SLC18A1: variants seen among roughly 807,000 people sequenced by gnomAD.
SLC18A1 encodes solute carrier family 18 member A1.
Under a neutral mutation model 53.7 loss-of-function variants are expected in SLC18A1, and 69 were observed. The ratio of observed to expected loss-of-function variants is 1.28; its 90% CI spans 1.06 to 1.57. The LOEUF is 1.57. Ranked by LOEUF, SLC18A1 falls within the 40% of genes most tolerant of loss-of-function variation. The pLI is 0.00. For synonymous variants in SLC18A1, 320 were observed against 248.1 expected (o/e 1.29, Z -2.72); for missense variants, 932 against 668.1 (o/e 1.40, Z -4.35).
intron 4 of SLC18A1, 104 bp from the exon 5 acceptor site, chr8:20,174,548 A>G (rs1166630111): frequency 6.9e-6 from 5 of 722,884 alleles, no homozygotes; most frequent in Admixed American, 6.2e-5. Flanking sequence ...GTCTTGATGC[A>G]TATGTTTTTA....
chr8:20,174,676 C>T (rs768640296), intron 4 of SLC18A1, among the ~76,000 whole-genome samples: 22 of 152,134 alleles, frequency 1.4e-4, no homozygotes, highest in Non-Finnish European at 1.6e-4. Flanking sequence ...ACCGAGTCAC[C>T]ACACAGCAGA....
chr8:20,145,830 G>A lies in SLC18A1; in HGVS notation c.1511C>T (p.Thr504Ile). Reference sequence around the variant, plus strand: ...AGGAAATTCCTTCGTGGGCTTCTGGGTTGCATACATCCGGGTCTCCATGGG... The same window carrying A: ...AGGAAATTCCTTCGTGGGCTTCTGGATTGCATACATCCGGGTCTCCATGGG... ...DCPMETRMYA[T>I]QKPTKEFPLG... Residue 504 changes from threonine (T) to isoleucine (I), a missense_variant, in exon 16 of 16, where the codon ACC (threonine) becomes ATC (isoleucine). Coordinates refer to ENST00000276373, the MANE Select transcript of SLC18A1 (RefSeq NM_003053.4). 6.2e-7 allele frequency: 1 copy of A among 1,612,098 alleles called. No individual in the cohort carries two copies. The highest frequency in any genetic ancestry group is 1.1e-5 in the South Asian group (1 of 90,508).
At chr8:20,180,015 GC>G (rs2072382588) in intron 2 of SLC18A1, among the ~76,000 whole-genome samples, 1 of 152,084 alleles carries the variant, frequency 6.6e-6, no homozygotes, top group South Asian at 2.1e-4. Flanking sequence ...TAGTGGAGAG[GC>G]CTTGGGCAAG....
chr8:20,155,974 C>G (rs1585197694), intron 10 of SLC18A1, among the ~76,000 whole-genome samples: 1 of 152,230 alleles, frequency 6.6e-6, no homozygotes. Flanking sequence ...GTACTCTCCT[C>G]TCTCAATTTC....
chr8:20,163,534 A>G (rs2128873791), intron 10 of SLC18A1, among the ~76,000 whole-genome samples: 1 of 152,234 alleles, frequency 6.6e-6, no homozygotes, highest in Middle Eastern at 3.4e-3. Context: ...GGCAGACTAC[A>G]CATTACTTTC....
chr8:20,157,832 A>C (rs1169781196), intron 10 of SLC18A1, among the ~76,000 whole-genome samples: 1 of 152,206 alleles, frequency 6.6e-6, no homozygotes, highest in African/African-American at 2.4e-5. Flanking sequence ...CCACCCCTTT[A>C]GCCATGTCCC....
At chr8:20,167,110 G>GA (rs1266386451) in intron 8 of SLC18A1, among the ~76,000 whole-genome samples, 69 of 139,822 alleles carry the variant, frequency 4.9e-4, no homozygotes, top group African/African-American at 1.3e-3. Context: ...CCAGAATGGA[G>GA]AAAAAAAACT....
At chr8:20,176,152 G>A (rs892476298) in intron 4 of SLC18A1, among the ~76,000 whole-genome samples, 1 of 152,158 alleles carries the variant, frequency 6.6e-6, no homozygotes, top group Non-Finnish European at 1.5e-5. Flanking sequence ...TTTGGGTTAT[G>A]GGGAAGGATC....
In SLC18A1 at chr8:20,145,875, G is replaced by A. The variant is rs775328380; in HGVS notation, c.1466C>T (p.Ala489Val). Residue 489 changes from alanine to valine, a missense_variant and splice_region_variant, in exon 16 of 16, where the codon GCT becomes GTT. By Grantham distance (64) the Ala-to-Val change is moderately conservative. Coordinates refer to ENST00000276373, the MANE Select transcript of SLC18A1 (RefSeq NM_003053.4). ...CATGGGGCAGTCCTGACTCAGAATAGCCTGCAGAGAGAGGCAAGAAGAGAA... is the reference window on the plus strand; with the variant it reads ...CATGGGGCAGTCCTGACTCAGAATAACCTGCAGAGAGAGGCAAGAAGAGAA... ...RSPPAKEEKL[A>V]ILSQDCPMET... The A allele has an allele frequency of 6.3e-7, 1 of 1,583,352 alleles. No homozygotes were observed. The highest frequency in any genetic ancestry group is 8.6e-7 in the Non-Finnish European group (1 of 1,162,316).
chr8:20,150,456 T>C (rs971434317), intron 11 of SLC18A1, among the ~76,000 whole-genome samples: 2 of 152,234 alleles, frequency 1.3e-5, no homozygotes, highest in Non-Finnish European at 2.9e-5. Context: ...GCCTCTTCTA[T>C]AACAATCAGC....
intron 10 of SLC18A1, among the ~76,000 whole-genome samples, chr8:20,163,652 G>A (rs1250542847): frequency 6.6e-6 from 1 of 152,176 alleles, no homozygotes; most frequent in African/African-American, 2.4e-5. Context: ...ATCACCTGCA[G>A]ACTTACTAGG....
At position 20,149,660 on chromosome 8, in the gene SLC18A1, GTCT is replaced by G. The variant is rs765578937; in HGVS notation, c.1146+13_1146+15del. On this transcript the variant is annotated intron_variant, in intron 12 of 15. Coordinates refer to ENST00000276373, the MANE Select transcript of SLC18A1 (RefSeq NM_003053.4). The stretch of plus-strand genomic sequence containing the variant: ...TCTCTCTCTCCTTCCCCTCCCCCAG[GTCT>G]TCTTATACTTACACAGAGCAAGCTG... 2 of 1,600,416 alleles carry G rather than the reference GTCT, an allele frequency of 1.2e-6. No homozygotes were observed. Among genetic ancestry groups the G allele is most frequent in the South Asian group, 2.2e-5 (2 of 90,516 alleles).
intron 2 of SLC18A1, 137 bp downstream of exon 2, chr8:20,180,704 C>T: frequency 1.8e-6 from 2 of 1,099,652 alleles, no homozygotes; most frequent in Non-Finnish European, 1.3e-6. Flanking sequence ...TTTTCCAGTC[C>T]CCAACAACCT....
intron 7 of SLC18A1, 71 bp from the exon 8 acceptor site, chr8:20,171,217 G>A (rs1169685970): frequency 6.7e-7 from 1 of 1,500,238 alleles, no homozygotes; most frequent in South Asian, 1.1e-5. Context: ...AACAGCTGTA[G>A]TGCTACCACC....
chr8:20,164,785 G>T lies in SLC18A1; in HGVS notation c.1015+84C>A, dbSNP rs1486093666. 5.0e-6 allele frequency: 5 copies of T among 1,003,916 alleles called. No homozygotes were observed. In the East Asian group the frequency reaches 9.8e-5, roughly 20 times the overall value. The allele number at this position is 1,003,916 out of a possible 1,614,324, so 62.2% of individuals were successfully genotyped here. ...GGTCATTCTACAAAGGAAGCATGTTGTCCCTGTGTGACATTGAACGAAAGG... is the reference window on the plus strand; with the variant it reads ...GGTCATTCTACAAAGGAAGCATGTTTTCCCTGTGTGACATTGAACGAAAGG... On this transcript the variant is annotated intron_variant, in intron 10 of 15. Coordinates refer to ENST00000276373, the MANE Select transcript of SLC18A1 (RefSeq NM_003053.4).
chr8:20,149,964 A>G (rs1369498206), intron 11 of SLC18A1, among the ~76,000 whole-genome samples: 1 of 152,136 alleles, frequency 6.6e-6, no homozygotes, highest in Non-Finnish European at 1.5e-5. Context: ...GCCGTGGGAC[A>G]CACTCTTCCT....
chr8:20,171,020 C>T, intron 8 of SLC18A1, 83 bp downstream of exon 8: 7 of 1,364,534 alleles, frequency 5.1e-6, no homozygotes, highest in African/African-American at 1.4e-5. Flanking sequence ...CACTTTTCTT[C>T]TTATGGTTTG....
At position 20,150,714 on chromosome 8, in the gene SLC18A1, TAGG is replaced by T; in HGVS notation, c.1043_1045del (p.Ser348del). On this transcript the variant is annotated inframe_deletion, in exon 11 of 16. Transcript: ENST00000276373. ...ACCAAAGAGGTTGGTGCCAATGAGG[TAGG>T]ACACACTGGCAGGCAAGAAAGCTAG... 1.2e-6 allele frequency: 2 copies of T among 1,614,094 alleles called. No homozygotes were observed. The highest frequency in any genetic ancestry group is 2.2e-5 in the South Asian group (2 of 91,078).
At chr8:20,160,408 G>A (rs890449799) in intron 10 of SLC18A1, among the ~76,000 whole-genome samples, 9 of 151,242 alleles carry the variant, frequency 6.0e-5, no homozygotes, top group African/African-American at 2.2e-4. Flanking sequence ...CATTTTAGCA[G>A]TATTTTGTGC....
Sources: gnomAD v4.1 joint callset for allele counts (sites outside exome capture counted in the v4.1 genomes callset) on GRCh38, gnomAD v4.1.1 for gene constraint, MANE v1.5 for transcripts, NCBI Gene and HGNC (gene_info 2026-07-23, HGNC 2026-07-21) for gene names.